Variants in HMG20A observed in about 807,000 individuals in gnomAD.
HMG20A encodes high mobility group 20A, also known as high mobility group protein 20A.
Under a neutral mutation model 43.9 loss-of-function variants are expected in HMG20A, and 17 were observed. The ratio of observed to expected loss-of-function variants is 0.39; its 90% CI spans 0.27 to 0.58. HMG20A has a LOEUF of 0.58. HMG20A is among the 20% of genes least tolerant of loss of function. The pLI is 0.59. For missense variants in HMG20A, 341 were observed against 438.2 expected, an observed-to-expected ratio of 0.78 and a Z score of 1.98; for synonymous variants, 132 against 147.5, an observed-to-expected ratio of 0.89 and a Z score of 0.76.
At chr15:77,511,373 C>A in the HMG20A span, among the ~76,000 whole-genome samples, 5 of 152,138 alleles carry the variant, frequency 3.3e-5, no homozygotes, top group African/African-American at 1.2e-4. Flanking sequence ...AAATCTACAG[C>A]CCAGATCTGC....
intron 8 of HMG20A, 67 bp from the exon 9 acceptor site, chr15:77,479,112 T>G: frequency 6.7e-7 from 1 of 1,488,266 alleles, no homozygotes; most frequent in Non-Finnish European, 9.4e-7. Context: ...ACTGTTTCTT[T>G]GAAATTGTGT....
intron 2 of HMG20A, among the ~76,000 whole-genome samples, chr15:77,458,840 T>C (rs914231362): frequency 3.3e-5 from 5 of 152,222 alleles, no homozygotes; most frequent in Admixed American, 3.3e-4. Context: ...ACCACAGATA[T>C]TAAAATAGTT....
the HMG20A span, among the ~76,000 whole-genome samples, chr15:77,501,867 A>G: frequency 6.6e-6 from 1 of 152,212 alleles, no homozygotes; most frequent in Non-Finnish European, 1.5e-5. Context: ...TCTGAATATC[A>G]TGCATTCCTA....
At chr15:77,427,661 T>C (rs2073440241) in intron 1 of HMG20A, among the ~76,000 whole-genome samples, 1 of 152,184 alleles carries the variant, frequency 6.6e-6, no homozygotes, top group Non-Finnish European at 1.5e-5. Context: ...CTTTAAAGGA[T>C]ATGGATTTTT....
At chr15:77,434,524 A>AATAGGAAAAACAGAT (rs1244175422) in intron 1 of HMG20A, among the ~76,000 whole-genome samples, 1 of 152,212 alleles carries the variant, frequency 6.6e-6, no homozygotes, top group African/African-American at 2.4e-5. Flanking sequence ...TCTTACAGAT[A>AATAGGAAAAACAGAT]AATAGGAAAA....
At chr15:77,460,166 T>C (rs895717865) in intron 2 of HMG20A, among the ~76,000 whole-genome samples, 5 of 152,162 alleles carry the variant, frequency 3.3e-5, no homozygotes, top group Non-Finnish European at 5.9e-5. Context: ...CTGGTGACTT[T>C]CACAAGAGTG....
At chr15:77,498,649 G>A in the HMG20A span, among the ~76,000 whole-genome samples, 1 of 152,156 alleles carries the variant, frequency 6.6e-6, no homozygotes, top group Non-Finnish European at 1.5e-5. Context: ...CCTGAAGCAG[G>A]TCTCCTCAGC....
At chr15:77,449,569 A>G (rs1306747488) in intron 1 of HMG20A, among the ~76,000 whole-genome samples, 1 of 152,208 alleles carries the variant, frequency 6.6e-6, no homozygotes, top group Non-Finnish European at 1.5e-5. Flanking sequence ...AAACCTCTTT[A>G]TACCAGTTCT....
chr15:77,431,567 T>C (rs1202792470), intron 1 of HMG20A, among the ~76,000 whole-genome samples: 3 of 152,176 alleles, frequency 2.0e-5, no homozygotes, highest in Admixed American at 2.0e-4. Flanking sequence ...ATGTACAGCA[T>C]GATGTTTTGA....
At chr15:77,517,055 C>A in the HMG20A span, among the ~76,000 whole-genome samples, 1 of 152,226 alleles carries the variant, frequency 6.6e-6, no homozygotes, top group Admixed American at 6.5e-5. Context: ...GAGTTCCCTT[C>A]CCCTCCACCA....
intron 1 of HMG20A, among the ~76,000 whole-genome samples, chr15:77,434,079 T>C (rs2073519321): frequency 1.3e-5 from 2 of 152,176 alleles, no homozygotes; most frequent in Non-Finnish European, 1.5e-5. Context: ...CAATCCCATA[T>C]GTATGTAATC....
intron 6 of HMG20A, among the ~76,000 whole-genome samples, chr15:77,475,446 G>A (rs1329778789): frequency 6.6e-6 from 1 of 152,232 alleles, no homozygotes; most frequent in Non-Finnish European, 1.5e-5. Context: ...TGGCAAAGAA[G>A]AGAAAAGATT....
chr15:77,478,584 AGTACTGGT>A, intron 8 of HMG20A, 74 bp downstream of exon 8: 1 of 1,151,666 alleles, frequency 8.7e-7, no homozygotes, highest in South Asian at 1.3e-5. Context: ...TGTTTATGTT[AGTACTGGT>A]GTGGAGAGAT....
the HMG20A span, among the ~76,000 whole-genome samples, chr15:77,502,039 C>A: frequency 6.6e-6 from 1 of 152,108 alleles, no homozygotes; most frequent in Non-Finnish European, 1.5e-5. Flanking sequence ...CCATATGTTT[C>A]TCTACCGCCT....
chr15:77,514,554 G>C, the HMG20A span, among the ~76,000 whole-genome samples: 1 of 152,226 alleles, frequency 6.6e-6, no homozygotes, highest in African/African-American at 2.4e-5. Context: ...GTGAAGTGTG[G>C]AGTGAAGTGT....
At chr15:77,445,475 A>G (rs2073663023) in intron 1 of HMG20A, among the ~76,000 whole-genome samples, 1 of 152,230 alleles carries the variant, frequency 6.6e-6, no homozygotes, top group African/African-American at 2.4e-5. Flanking sequence ...CATGGATAGT[A>G]ACAAATCCTA....
At chr15:77,504,926 TC>T in the HMG20A span, among the ~76,000 whole-genome samples, 1 of 152,190 alleles carries the variant, frequency 6.6e-6, no homozygotes, top group African/African-American at 2.4e-5. Context: ...CCATGACATG[TC>T]TGCTGTATTA....
intron 3 of HMG20A, among the ~76,000 whole-genome samples, chr15:77,465,717 G>T (rs570669839): frequency 6.6e-6 from 1 of 152,022 alleles, no homozygotes; most frequent in East Asian, 1.9e-4. Flanking sequence ...ATGTAACTAG[G>T]TTTAAAAAAA....
At chr15:77,461,224 G>C (rs535647052) in intron 2 of HMG20A, among the ~76,000 whole-genome samples, 2 of 152,186 alleles carry the variant, frequency 1.3e-5, no homozygotes, top group East Asian at 3.9e-4. Flanking sequence ...TGGTGGCTTT[G>C]ACAAGAGTTA....
Sources: gnomAD v4.1 joint callset for allele counts (sites outside exome capture counted in the v4.1 genomes callset) on GRCh38, gnomAD v4.1.1 for gene constraint, MANE v1.5 for transcripts, NCBI Gene and HGNC (gene_info 2026-07-23, HGNC 2026-07-21) for gene names.